Variants in TDP1 observed in about 807,000 individuals in gnomAD.
The protein encoded by TDP1 is tyrosyl-DNA phosphodiesterase 1, also known as tyr-DNA phosphodiesterase 1.
Under a neutral mutation model 81.5 loss-of-function variants are expected in TDP1, and 64 were observed. The observed-to-expected ratio is 0.79, with a 90% CI of 0.64 to 0.97. The LOEUF is 0.97. TDP1 is among the 50% of genes least tolerant of loss of function. TDP1 has a pLI of 0.00. For missense variants in TDP1, 723 were observed against 743.8 expected (o/e 0.97, Z 0.33); for synonymous variants, 256 against 264.3 (o/e 0.97, Z 0.30).
chr14:90,021,316 A>G (rs1566917127), intron 15 of TDP1, among the ~76,000 whole-genome samples: 1 of 152,216 alleles, frequency 6.6e-6, no homozygotes, highest in Non-Finnish European at 1.5e-5. Flanking sequence ...GTGGGAAACA[A>G]TGAAGTCACA....
chr14:89,993,036 C>A, intron 13 of TDP1: 1 of 885,256 alleles, frequency 1.1e-6, no homozygotes, highest in Non-Finnish European at 1.4e-6. Flanking sequence ...CATGATTCTT[C>A]CCTTTAAGGA....
At chr14:89,995,170 C>T (rs1186175208) in intron 14 of TDP1, among the ~76,000 whole-genome samples, 1 of 152,208 alleles carries the variant, frequency 6.6e-6, no homozygotes, top group Non-Finnish European at 1.5e-5. Flanking sequence ...AAAGCTGTAT[C>T]TACTTGCCTA....
intron 7 of TDP1, among the ~76,000 whole-genome samples, chr14:89,976,254 C>G (rs542518779): frequency 6.6e-6 from 1 of 151,568 alleles, no homozygotes; most frequent in South Asian, 2.1e-4. Flanking sequence ...TACAGGCACA[C>G]GCCACCATGC....
At chr14:89,964,934 A>T (rs1892766958) in intron 3 of TDP1, 1 of 409,886 alleles carries the variant, frequency 2.4e-6, no homozygotes, top group African/African-American at 2.1e-5. Flanking sequence ...AAGGTCGTAG[A>T]GCTGGTAATG....
intron 16 of TDP1, among the ~76,000 whole-genome samples, chr14:90,034,491 G>A (rs1374408842): frequency 6.6e-6 from 1 of 152,226 alleles, no homozygotes; most frequent in Non-Finnish European, 1.5e-5. Flanking sequence ...GCTGGCATCA[G>A]TGTACCCACC....
intron 14 of TDP1, among the ~76,000 whole-genome samples, chr14:90,006,274 C>T (rs1897675318): frequency 6.6e-6 from 1 of 152,090 alleles, no homozygotes; most frequent in South Asian, 2.1e-4. Context: ...TCTTTTCTTG[C>T]TGGCTTTTCT....
At chr14:89,996,431 CTT>C (rs1896656473) in intron 14 of TDP1, among the ~76,000 whole-genome samples, 1 of 152,196 alleles carries the variant, frequency 6.6e-6, no homozygotes, top group Non-Finnish European at 1.5e-5. Context: ...CCTTTTCTCT[CTT>C]TCTTCAGTTG....
At chr14:90,030,661 A>G (rs1393316446) in intron 15 of TDP1, among the ~76,000 whole-genome samples, 1 of 152,240 alleles carries the variant, frequency 6.6e-6, no homozygotes, top group Non-Finnish European at 1.5e-5. Flanking sequence ...CTTTAGTTCC[A>G]TTTCTACAGA....
At chr14:90,041,252 G>A (rs1282797741) in intron 16 of TDP1, among the ~76,000 whole-genome samples, 2 of 152,182 alleles carry the variant, frequency 1.3e-5, no homozygotes, top group East Asian at 1.9e-4. Context: ...GCCAATGAGT[G>A]CAATGGGGAG....
At chr14:89,983,030 A>T (rs1271093664) in intron 8 of TDP1, 2 of 436,262 alleles carry the variant, frequency 4.6e-6, no homozygotes, top group Non-Finnish European at 9.1e-6. Flanking sequence ...CATTATAATA[A>T]TTTTCTCATT....
chr14:89,963,294 A>G lies in TDP1; in HGVS notation c.180A>G (p.Ile60Met), dbSNP rs200714439. The G allele has an allele frequency of 2.5e-5, 41 of 1,614,074 alleles. No homozygotes were observed. Among genetic ancestry groups the G allele is most frequent in the Non-Finnish European group, 7.6e-6 (9 of 1,180,042 alleles). ...EAQKAAHKRKISPVKFSNTDS... is the reference protein window; with the variant it reads ...EAQKAAHKRKMSPVKFSNTDS... ...AGAAAGCTGCACACAAGAGGAAAAT[A>G]TCACCTGTGAAATTCAGCAATACAG... The change falls in exon 3 of 17, where the codon ATA becomes ATG. Residue 60 changes from isoleucine (I) to methionine (M), a missense_variant. By Grantham distance (10) the Ile-to-Met change is conservative (BLOSUM62 1). Coordinates refer to ENST00000335725, the MANE Select transcript of TDP1 (RefSeq NM_018319.4).
At chr14:89,983,920 A>T (rs151337848) in intron 8 of TDP1, among the ~76,000 whole-genome samples, 195 of 152,388 alleles carry the variant, frequency 1.3e-3, no homozygotes, top group African/African-American at 4.6e-3. Context: ...ACTGAATGTG[A>T]TATATACTTA....
chr14:90,021,837 AAC>A (rs769359744), intron 15 of TDP1, among the ~76,000 whole-genome samples: 4 of 152,238 alleles, frequency 2.6e-5, no homozygotes, highest in Non-Finnish European at 4.4e-5. Flanking sequence ...CGATGTAATT[AAC>A]AGTCTAAGAT....
At chr14:90,015,978 A>C (rs1885262840) in intron 14 of TDP1, among the ~76,000 whole-genome samples, 1 of 152,094 alleles carries the variant, frequency 6.6e-6, no homozygotes, top group South Asian at 2.1e-4. Context: ...GTATGTTTCC[A>C]ATTAGGTGGG....
intron 10 of TDP1, chr14:89,987,049 G>A (rs971059175): frequency 6.6e-6 from 1 of 152,242 alleles, no homozygotes; most frequent in African/African-American, 2.4e-5. Context: ...GCTGGTATGT[G>A]TATGTAAATA....
intron 11 of TDP1, chr14:89,989,461 A>T: frequency 1.0e-6 from 1 of 976,210 alleles, no homozygotes. Flanking sequence ...ATTAATAATT[A>T]ATTTTCCATT....
chr14:90,026,956 A>G lies in TDP1; in HGVS notation c.1645-6150A>G, dbSNP rs139443434. Among the ~76,000 whole-genome samples the G allele has an allele frequency of 6.0e-4, 92 of 152,294 alleles. 1 individual carries two copies. In the Middle Eastern group the frequency reaches 0.014, roughly 23 times the overall value. On this transcript the variant is annotated intron_variant, in intron 15 of 16. Coordinates refer to ENST00000335725, the MANE Select transcript of TDP1 (RefSeq NM_018319.4). Reference sequence around the variant, plus strand: ...TGTCTTTATAGCAGCATGATTTACAATCCTTTGGGTATATACCCAGTAATG... The same window carrying G: ...TGTCTTTATAGCAGCATGATTTACAGTCCTTTGGGTATATACCCAGTAATG...
rs374819691 is a variant in TDP1 at position 89,991,998 on chromosome 14, T to G, written c.1433+15T>G. ...TCCTATTTTCAGTAAGTAATTGGTTTAGACTGCTGCTATTGCTTCTTTAGG... is the reference window on the plus strand; with the variant it reads ...TCCTATTTTCAGTAAGTAATTGGTTGAGACTGCTGCTATTGCTTCTTTAGG... On this transcript the variant is annotated intron_variant, in intron 13 of 16. Coordinates refer to ENST00000335725, the MANE Select transcript of TDP1 (RefSeq NM_018319.4). The G allele has an allele frequency of 2.5e-6, 4 of 1,608,426 alleles. No homozygotes were observed. The highest frequency in any genetic ancestry group is 3.4e-6 in the Non-Finnish European group (4 of 1,176,074).
chr14:90,013,654 T>C (rs1884981524), intron 14 of TDP1, among the ~76,000 whole-genome samples: 1 of 152,022 alleles, frequency 6.6e-6, no homozygotes. Flanking sequence ...CAGTTAAAAA[T>C]ACTTGATATG....
Sources: allele counts gnomAD v4.1 joint callset (sites outside exome capture counted in the v4.1 genomes callset), GRCh38; gene constraint gnomAD v4.1.1; transcripts MANE v1.5; gene names NCBI Gene and HGNC (gene_info 2026-07-23, HGNC 2026-07-21).